The following ACACA variants were observed in gnomAD, a reference collection of about 807,000 sequenced individuals.
ACACA encodes the protein acetyl-CoA carboxylase 1.
In ACACA, 103 loss-of-function variants were observed where a neutral mutation model predicts 296.1. The observed-to-expected ratio is 0.35, with a 90% CI of 0.30 to 0.41. The LOEUF (loss-of-function observed/expected upper bound fraction) is 0.41. ACACA is among the 10% of genes least tolerant of loss of function. The pLI, the probability that ACACA is intolerant of heterozygous loss-of-function variation, is 1.00. For missense variants in ACACA, 1,554 were observed against 2,989.7 expected, an observed-to-expected ratio of 0.52 and a Z score of 11.20; for synonymous variants, 953 against 1,038.6, an observed-to-expected ratio of 0.92 and a Z score of 1.58.
At chr17:37,243,994 G>A (rs1056789187) in intron 21 of ACACA, among the ~76,000 whole-genome samples, 7 of 151,656 alleles carry the variant, frequency 4.6e-5, no homozygotes, top group Admixed American at 2.0e-4. Context: ...GATTACAGGC[G>A]TGAGCCAACT....
intron 2 of ACACA, among the ~76,000 whole-genome samples, chr17:37,337,215 C>G (rs781679944): frequency 2.0e-5 from 3 of 152,016 alleles, no homozygotes; most frequent in Non-Finnish European, 4.4e-5. Flanking sequence ...AAAACCTATA[C>G]CAGCCTGGGC....
intron 2 of ACACA, among the ~76,000 whole-genome samples, chr17:37,335,914 G>A (rs1415784928): frequency 6.6e-6 from 1 of 152,210 alleles, no homozygotes; most frequent in Non-Finnish European, 1.5e-5. Context: ...AATCATCACC[G>A]AGAAAGTTAA....
At chr17:37,349,415 A>G (rs966365008) in intron 1 of ACACA, among the ~76,000 whole-genome samples, 1 of 147,874 alleles carries the variant, frequency 6.8e-6, no homozygotes, top group Non-Finnish European at 1.5e-5. Context: ...TATAATATAT[A>G]TTATATATAC....
chr17:37,200,388 A>G lies in ACACA; in HGVS notation c.4113+39T>C, dbSNP rs186864977. On this transcript the variant is annotated intron_variant, in intron 34 of 55. Transcript: ENST00000616317. ...ATTTTTATTAAGTTGTAGCAGCAGCATAAGAAATATTAAAGAGGTACAATT... is the reference window on the plus strand; with the variant it reads ...ATTTTTATTAAGTTGTAGCAGCAGCGTAAGAAATATTAAAGAGGTACAATT... 9.7e-4 allele frequency: 1,496 copies of G among 1,549,064 alleles called. 1 individual carries two copies. Among genetic ancestry groups the G allele is most frequent in the Admixed American group, 1.3e-3 (76 of 59,930 alleles).
intron 29 of ACACA, 34 bp from the exon 30 acceptor site, chr17:37,210,524 A>C (rs1225428736): frequency 1.9e-6 from 3 of 1,597,794 alleles, no homozygotes; most frequent in Middle Eastern, 1.7e-4. Context: ...GTTACTGATA[A>C]GTTAGTGAAA....
intron 1 of ACACA, among the ~76,000 whole-genome samples, chr17:37,390,175 T>TATATATATATATATACACACACAC (rs60788220): frequency 2.2e-5 from 1 of 44,510 alleles, no homozygotes; most frequent in African/African-American, 1.2e-4. Context: ...TATATATATA[T>TATATATATATATATACACACACAC]ACACACACAC....
intron 1 of ACACA, among the ~76,000 whole-genome samples, chr17:37,372,703 A>G (rs940266805): frequency 2.6e-5 from 4 of 152,292 alleles, no homozygotes; most frequent in African/African-American, 7.2e-5. Flanking sequence ...CATAAAACTC[A>G]TAACTTTTTT....
intron 1 of ACACA, among the ~76,000 whole-genome samples, chr17:37,341,002 A>G (rs2048353352): frequency 6.6e-6 from 1 of 152,164 alleles, no homozygotes; most frequent in East Asian, 1.9e-4. Context: ...GGAGGCTGCA[A>G]TGTGCTATGA....
At chr17:37,324,452 G>A (rs1041144660) in intron 3 of ACACA, among the ~76,000 whole-genome samples, 6 of 146,464 alleles carry the variant, frequency 4.1e-5, no homozygotes, top group South Asian at 4.4e-4. Flanking sequence ...GGCGGATCAC[G>A]TGAGGTCGGG....
Position 37,263,676 on chromosome 17 carries a change from T to C in ACACA, c.1329+9A>G, listed in dbSNP as rs373599499. ...AGAAAACATAAAGTAAGCCTTTTAA[T>C]ATATGTACCTGTTCCATGTGTTCAA... On this transcript the variant is annotated intron_variant, in intron 11 of 55. Transcript: ENST00000616317. 1 of 1,610,488 alleles carries C rather than the reference T, an allele frequency of 6.2e-7. No individual in the cohort carries two copies. Among genetic ancestry groups the C allele is most frequent in the African/African-American group, 1.3e-5 (1 of 74,972 alleles).
chr17:37,306,160 G>A lies in ACACA; in HGVS notation c.339-21190C>T, dbSNP rs1001099722. On this transcript the variant is annotated intron_variant, in intron 3 of 55. Coordinates refer to ENST00000616317, the MANE Select transcript of ACACA (RefSeq NM_198834.3). The stretch of plus-strand genomic sequence containing the variant: ...CCTGACCTTGTGATCCGCCCACCTC[G>A]GCCTCCCAAAGTGCTGGGATTACAG... 1.8e-4 allele frequency among the ~76,000 whole-genome samples: 27 copies of A among 151,986 alleles called. No homozygotes were observed. In the East Asian group the frequency reaches 3.1e-3, roughly 17 times the overall value.
intron 1 of ACACA, among the ~76,000 whole-genome samples, chr17:37,394,599 G>A (rs1047452307): frequency 5.9e-5 from 9 of 151,280 alleles, no homozygotes; most frequent in South Asian, 2.1e-4. Context: ...ATTCTCGGCC[G>A]GGCGCGGTGG....
intron 3 of ACACA, among the ~76,000 whole-genome samples, chr17:37,316,454 TGTGA>T (rs1488213512): frequency 6.6e-6 from 1 of 151,778 alleles, no homozygotes; most frequent in Non-Finnish European, 1.5e-5. Context: ...TTAGTACTGT[TGTGA>T]GTATTAGAAA....
At chr17:37,230,400 AAAT>A (rs2079803778) in intron 25 of ACACA, among the ~76,000 whole-genome samples, 1 of 145,144 alleles carries the variant, frequency 6.9e-6, no homozygotes, top group Non-Finnish European at 1.5e-5. Flanking sequence ...ATAAATAAAT[AAAT>A]AAATAAATAA....
At chr17:37,211,512 T>C (rs534380108) in intron 29 of ACACA, among the ~76,000 whole-genome samples, 1 of 152,326 alleles carries the variant, frequency 6.6e-6, no homozygotes, top group South Asian at 2.1e-4. Context: ...TTTAGGGGCA[T>C]TGTAAGGGGG....
At position 37,243,364 on chromosome 17, in the gene ACACA, T is replaced by C. The variant is rs755733882; in HGVS notation, c.2931+7A>G. 2.5e-6 allele frequency: 4 copies of C among 1,613,478 alleles called. No individual in the cohort carries two copies. The highest frequency in any genetic ancestry group is 3.4e-6 in the Non-Finnish European group (4 of 1,179,500). On this transcript the variant is annotated splice_region_variant and intron_variant, in intron 22 of 55. Transcript: ENST00000616317. ...CAGAAAAAAATATAGTGTTATCCTA[T>C]AAATACCTGCTGGCTGGGAAACTGA...
chr17:37,361,445 G>A (rs1349214359), intron 1 of ACACA, among the ~76,000 whole-genome samples: 1 of 152,016 alleles, frequency 6.6e-6, no homozygotes, highest in East Asian at 1.9e-4. Context: ...GCCCCTGCAT[G>A]TCCTGCTTTT....
chr17:37,293,679 T>C (rs1212028427), intron 3 of ACACA, among the ~76,000 whole-genome samples: 3 of 151,784 alleles, frequency 2.0e-5, no homozygotes, highest in Non-Finnish European at 2.9e-5. Context: ...GTAGCTGGGA[T>C]TACAGGCACA....
rs184781510 is a variant in ACACA, at chr17:37,161,919, G to A, written c.5211C>T (p.Leu1737=). The A allele has an allele frequency of 1.2e-6, 2 of 1,614,186 alleles. No homozygotes were observed. The highest frequency in any genetic ancestry group is 2.2e-5 in the East Asian group (1 of 44,892). The change falls in exon 42 of 56, where the codon CTC becomes CTT. Residue 1737 remains leucine, a synonymous_variant. Transcript: ENST00000616317. The part of the protein sequence containing the change: ...SFGPQEDLLF[L]RASELARAEG... ...CTGCCCTAGCAAGTTCGGAAGCTCT[G>A]AGAAATAACAAATCCTCTTGAGGCC...
Sources: allele counts gnomAD v4.1 joint callset (sites outside exome capture counted in the v4.1 genomes callset), GRCh38; gene constraint gnomAD v4.1.1; transcripts MANE v1.5; gene names NCBI Gene and HGNC (gene_info 2026-07-23, HGNC 2026-07-21).